Variants in C13orf46 observed in about 807,000 individuals in gnomAD.
The protein encoded by C13orf46 is chromosome 13 open reading frame 46, also known as uncharacterized protein C13orf46.
downstream of C13orf46, among the ~76,000 whole-genome samples, chr13:113,951,795 A>G (rs1376847365): frequency 6.6e-6 from 1 of 152,130 alleles, no homozygotes; most frequent in Non-Finnish European, 1.5e-5. Flanking sequence ...GATGTGCTGA[A>G]CTCGACTGTC....
At chr13:113,932,453 C>T in the C13orf46 span, among the ~76,000 whole-genome samples, 4 of 152,216 alleles carry the variant, frequency 2.6e-5, no homozygotes, top group Non-Finnish European at 5.9e-5. Flanking sequence ...TACTGGTCTT[C>T]GTTTGCACTT....
the C13orf46 span, among the ~76,000 whole-genome samples, chr13:113,942,290 C>T: frequency 2.6e-5 from 4 of 152,168 alleles, no homozygotes; most frequent in East Asian, 3.8e-4. Flanking sequence ...AGGAGAACCT[C>T]GATGGATAAA....
the C13orf46 span, chr13:113,928,837 G>A: frequency 6.6e-6 from 1 of 152,440 alleles, no homozygotes; most frequent in Non-Finnish European, 1.5e-5. Context: ...ACCGAGTGTG[G>A]TGTCCCTGGG....
chr13:113,938,721 C>A, the C13orf46 span, among the ~76,000 whole-genome samples: 2 of 152,202 alleles, frequency 1.3e-5, no homozygotes, highest in Non-Finnish European at 2.9e-5. Flanking sequence ...CCCTTCCACA[C>A]GTCCGCCGTG....
At chr13:113,937,501 C>T in the C13orf46 span, among the ~76,000 whole-genome samples, 37 of 152,202 alleles carry the variant, frequency 2.4e-4, no homozygotes, top group Non-Finnish European at 5.0e-4. Context: ...AGATGAACAT[C>T]TCAGTAGCGT....
chr13:113,965,990 T>C (rs1266178949), intron 5 of C13orf46, among the ~76,000 whole-genome samples: 6 of 151,592 alleles, frequency 4.0e-5, no homozygotes, highest in African/African-American at 1.2e-4. Flanking sequence ...ATGGTGACAG[T>C]GATAGTGGTG....
chr13:113,953,105 C>T (rs1250712598), downstream of C13orf46, among the ~76,000 whole-genome samples: 1 of 152,222 alleles, frequency 6.6e-6, no homozygotes, highest in Admixed American at 6.5e-5. Flanking sequence ...GTTCAGCGCC[C>T]ACTGAGCCCT....
downstream of C13orf46, among the ~76,000 whole-genome samples, chr13:113,952,684 C>T (rs1385946999): frequency 2.0e-5 from 3 of 152,326 alleles, no homozygotes; most frequent in East Asian, 5.8e-4. Flanking sequence ...CCAAGGGCAG[C>T]GTCCTTCTAG....
At chr13:113,927,650 T>C in the C13orf46 span, 2 of 398,618 alleles carry the variant, frequency 5.0e-6, no homozygotes. Flanking sequence ...CCTGCTCCAA[T>C]AAGACCAAGA....
the C13orf46 span, among the ~76,000 whole-genome samples, chr13:113,935,130 G>A: frequency 3.9e-5 from 6 of 152,230 alleles, no homozygotes; most frequent in African/African-American, 1.2e-4. Flanking sequence ...ACAGCCCGAG[G>A]GGGGGAACAG....
the C13orf46 span, among the ~76,000 whole-genome samples, chr13:113,945,605 GAAGAAAGAAAGA>G: frequency 0.025 from 2,381 of 93,614 alleles, 39 homozygotes; most frequent in Admixed American, 0.032. Flanking sequence ...AAGAAAGAAA[GAAGAAAGAAAGA>G]AAGAAAGAAA....
At position 113,955,638 on chromosome 13, in the gene C13orf46, CGAG is replaced by C. The variant is rs2052522387; in HGVS notation, c.*1132_*1134del. 7.9e-6 allele frequency: 1 copy of C among 126,392 alleles called. No individual in the cohort carries two copies. Among genetic ancestry groups the C allele is most frequent in the African/African-American group, 3.3e-5 (1 of 30,408 alleles). The allele number at this position is 126,392 out of a possible 1,614,324, so 7.8% of individuals were successfully genotyped here. On this transcript the variant is annotated 3_prime_UTR_variant, in exon 7 of 7. Transcript: ENST00000636427. ...GACGAGGAGTAGTGTCTGGCGGAGACGAGGAGTAGTGTCTGGCAGAGACAAGGA... is the reference window on the plus strand; with the variant it reads ...GACGAGGAGTAGTGTCTGGCGGAGACGAGTAGTGTCTGGCAGAGACAAGGA...
At chr13:113,945,936 G>C in the C13orf46 span, among the ~76,000 whole-genome samples, 2 of 152,102 alleles carry the variant, frequency 1.3e-5, no homozygotes, top group South Asian at 2.1e-4. Flanking sequence ...GTGCTCTGTG[G>C]GCTGGAGTGC....
downstream of C13orf46, among the ~76,000 whole-genome samples, chr13:113,952,959 C>T (rs1014611982): frequency 6.6e-6 from 1 of 152,218 alleles, no homozygotes; most frequent in Non-Finnish European, 1.5e-5. Flanking sequence ...CTCTGCGGCG[C>T]GTAGACCTGT....
At chr13:113,937,445 G>A in the C13orf46 span, among the ~76,000 whole-genome samples, 5 of 152,262 alleles carry the variant, frequency 3.3e-5, no homozygotes, top group Admixed American at 1.3e-4. Context: ...GGGTCTTTCC[G>A]AATCCAGATG....
chr13:113,948,878 T>G (rs2052479275), downstream of C13orf46, among the ~76,000 whole-genome samples: 2 of 152,224 alleles, frequency 1.3e-5, no homozygotes, highest in African/African-American at 2.4e-5. Context: ...ATCTTTGGAA[T>G]TTCCTGATAG....
At chr13:113,951,779 C>G (rs991624261), downstream of C13orf46, among the ~76,000 whole-genome samples, 7 of 152,228 alleles carry the variant, frequency 4.6e-5, no homozygotes, top group Non-Finnish European at 8.8e-5. Flanking sequence ...CGAAACTCCA[C>G]GTAGAGATGT....
At chr13:113,965,761 GTGA>G (rs2052632535) in intron 5 of C13orf46, among the ~76,000 whole-genome samples, 3 of 142,710 alleles carry the variant, frequency 2.1e-5, no homozygotes, top group South Asian at 2.3e-4. Flanking sequence ...GATGGTGATG[GTGA>G]TGATGGTGAT....
At chr13:113,973,556 G>T (rs762052980) in intron 1 of C13orf46, among the ~76,000 whole-genome samples, 1 of 152,104 alleles carries the variant, frequency 6.6e-6, no homozygotes, top group Non-Finnish European at 1.5e-5. Context: ...GTCCCTTTCC[G>T]GACAGAACCG....
Sources: allele counts gnomAD v4.1 joint callset (sites outside exome capture counted in the v4.1 genomes callset), GRCh38; gene constraint gnomAD v4.1.1; transcripts MANE v1.5; gene names NCBI Gene and HGNC (gene_info 2026-07-23, HGNC 2026-07-21).